Variants in GUCY1A2 observed in about 807,000 individuals in gnomAD.
GUCY1A2 encodes guanylate cyclase soluble subunit alpha-2.
A neutral mutation model predicts 63.5 loss-of-function variants in GUCY1A2; 27 were observed. The ratio of observed to expected loss-of-function variants is 0.43; its 90% CI spans 0.31 to 0.59. The LOEUF (loss-of-function observed/expected upper bound fraction) is 0.59, where lower values mean the gene tolerates loss of function less well. Ranked by LOEUF, GUCY1A2 falls within the 20% of genes least tolerant of loss-of-function variation. The probability of loss-of-function intolerance (pLI) is 0.11; values close to 1 mark genes in which losing one functional copy is unlikely to be tolerated. For synonymous variants in GUCY1A2, 364 were observed against 343.5 expected (o/e 1.06, Z -0.66); for missense variants, 768 against 913.3 (o/e 0.84, Z 2.05).
intron 4 of GUCY1A2, among the ~76,000 whole-genome samples, chr11:106,879,263 G>A (rs1247409982): frequency 2.0e-5 from 3 of 152,084 alleles, no homozygotes; most frequent in African/African-American, 4.8e-5. Context: ...CATCGATGGC[G>A]TGATTCATAC....
chr11:106,927,636 C>A (rs1860544667), intron 4 of GUCY1A2, among the ~76,000 whole-genome samples: 1 of 151,518 alleles, frequency 6.6e-6, no homozygotes, highest in African/African-American at 2.4e-5. Flanking sequence ...GCCATCTCGG[C>A]TCACTGCAAG....
At chr11:106,886,647 A>C (rs2135475225) in intron 4 of GUCY1A2, among the ~76,000 whole-genome samples, 1 of 152,312 alleles carries the variant, frequency 6.6e-6, no homozygotes, top group East Asian at 1.9e-4. Context: ...AAATTTGTTC[A>C]TGTTTAATTT....
chr11:106,876,295 G>C (rs188692926), intron 4 of GUCY1A2, among the ~76,000 whole-genome samples: 215 of 152,010 alleles, frequency 1.4e-3, no homozygotes, highest in African/African-American at 5.0e-3. Flanking sequence ...AGACAATGAG[G>C]AAGCAAAGAA....
chr11:106,871,768 T>C (rs1403229186), intron 4 of GUCY1A2, among the ~76,000 whole-genome samples: 1 of 152,174 alleles, frequency 6.6e-6, no homozygotes, highest in African/African-American at 2.4e-5. Context: ...CTATTTGCTT[T>C]AAGGTTATTA....
intron 5 of GUCY1A2, among the ~76,000 whole-genome samples, chr11:106,798,397 C>T (rs1410593700): frequency 6.6e-6 from 1 of 152,172 alleles, no homozygotes; most frequent in Non-Finnish European, 1.5e-5. Flanking sequence ...AGAGGGAATC[C>T]TCCCTAACTC....
intron 4 of GUCY1A2, among the ~76,000 whole-genome samples, chr11:106,870,477 T>C (rs1859661724): frequency 2.0e-5 from 3 of 152,146 alleles, no homozygotes; most frequent in Non-Finnish European, 4.4e-5. Context: ...CAATTAACAT[T>C]AATATAAAAA....
At chr11:106,771,480 G>T (rs973730659) in intron 6 of GUCY1A2, among the ~76,000 whole-genome samples, 1 of 152,192 alleles carries the variant, frequency 6.6e-6, no homozygotes, top group Non-Finnish European at 1.5e-5. Context: ...TGGCATGGTG[G>T]CTCATGCCTG....
At chr11:106,800,668 CAT>C (rs1356917795) in intron 5 of GUCY1A2, among the ~76,000 whole-genome samples, 6 of 151,946 alleles carry the variant, frequency 3.9e-5, no homozygotes, top group African/African-American at 1.2e-4. Flanking sequence ...TGTTCTCACT[CAT>C]ATGTGGGAAT....
intron 3 of GUCY1A2, among the ~76,000 whole-genome samples, chr11:106,946,580 A>C (rs544817626): frequency 1.6e-4 from 24 of 152,190 alleles, no homozygotes; most frequent in African/African-American, 4.3e-4. Flanking sequence ...GGCAATATTA[A>C]TATCAACAAG....
At chr11:106,907,649 T>C (rs1028891961) in intron 4 of GUCY1A2, among the ~76,000 whole-genome samples, 2 of 152,012 alleles carry the variant, frequency 1.3e-5, no homozygotes, top group African/African-American at 4.8e-5. Context: ...AGTGAGAACA[T>C]GCGGTGTTTG....
rs1048622908 is a variant in GUCY1A2, at chr11:106,680,283, AGATATAGGTTTAAT to A, written c.*7252_*7265del. 1 of 206,444 alleles carries A rather than the reference AGATATAGGTTTAAT, an allele frequency of 4.8e-6. No individual in the cohort carries two copies. The highest frequency in any genetic ancestry group is 2.3e-5 in the African/African-American group (1 of 43,868). 12.8% of individuals were successfully genotyped at this position (206,444 alleles called of 1,614,324 possible). A position where few individuals can be genotyped will look rare whatever the true frequency, so the allele number is the denominator to read the frequency against. ...TTATTTCAGTTATTACTTTCCTCTT[AGATATAGGTTTAAT>A]GACATTTAATAGACCACAGTAAAAA... is the stretch of plus-strand genomic sequence containing the variant. On this transcript the variant is annotated 3_prime_UTR_variant, in exon 8 of 8. Coordinates refer to ENST00000526355, the MANE Select transcript of GUCY1A2 (RefSeq NM_000855.3).
chr11:106,942,830 A>G (rs1010802280), intron 3 of GUCY1A2, among the ~76,000 whole-genome samples: 1 of 152,166 alleles, frequency 6.6e-6, no homozygotes, highest in East Asian at 1.9e-4. Context: ...CAATCTATCA[A>G]CTAGAAAGCC....
intron 4 of GUCY1A2, among the ~76,000 whole-genome samples, chr11:106,844,318 G>A (rs1224919241): frequency 6.6e-6 from 1 of 151,690 alleles, no homozygotes; most frequent in Non-Finnish European, 1.5e-5. Flanking sequence ...ATTTCTGAAG[G>A]GTTTTTTCCA....
intron 3 of GUCY1A2, 50 bp from the exon 4 acceptor site, chr11:106,940,228 G>C: frequency 2.4e-6 from 2 of 835,702 alleles, no homozygotes; most frequent in Non-Finnish European, 3.8e-6. Context: ...ATAAATAATT[G>C]AATTTATAGC....
intron 4 of GUCY1A2, among the ~76,000 whole-genome samples, chr11:106,891,081 T>C (rs1452161126): frequency 6.6e-6 from 1 of 152,190 alleles, no homozygotes; most frequent in African/African-American, 2.4e-5. Context: ...TTATACCAGT[T>C]ACATTTCCAC....
At chr11:106,815,365 A>C (rs117378953) in intron 4 of GUCY1A2, among the ~76,000 whole-genome samples, 1,963 of 152,174 alleles carry the variant, frequency 0.013, 28 homozygotes, top group South Asian at 0.049. Flanking sequence ...GTATTTGAAT[A>C]AACTATAGAT....
intron 6 of GUCY1A2, among the ~76,000 whole-genome samples, chr11:106,739,338 C>T (rs1007403697): frequency 6.6e-6 from 1 of 152,158 alleles, no homozygotes; most frequent in African/African-American, 2.4e-5. Context: ...CAAACAGAGA[C>T]AATTTGACTT....
At chr11:106,735,167 T>C (rs1023901046) in intron 6 of GUCY1A2, among the ~76,000 whole-genome samples, 13 of 152,116 alleles carry the variant, frequency 8.5e-5, no homozygotes, top group East Asian at 5.8e-4. Context: ...CCCTCAGTTA[T>C]TCTAAAATGT....
At chr11:106,831,679 A>T (rs1260096038) in intron 4 of GUCY1A2, among the ~76,000 whole-genome samples, 1 of 152,174 alleles carries the variant, frequency 6.6e-6, no homozygotes, top group Admixed American at 6.5e-5. Context: ...AAGATAGGAG[A>T]CTGGATTCCA....
Sources: allele counts gnomAD v4.1 joint callset (sites outside exome capture counted in the v4.1 genomes callset), GRCh38; gene constraint gnomAD v4.1.1; transcripts MANE v1.5; gene names NCBI Gene and HGNC (gene_info 2026-07-23, HGNC 2026-07-21).